LSAMP: variants seen among roughly 807,000 people sequenced by gnomAD.
LSAMP encodes the protein limbic system-associated membrane protein.
A neutral mutation model predicts 38.6 loss-of-function variants in LSAMP; 7 were observed. The observed-to-expected ratio is 0.18, with a 90% confidence interval of 0.10 to 0.34. The LOEUF is 0.34. Ranked by LOEUF, LSAMP falls within the 10% of genes least tolerant of loss-of-function variation. LSAMP has a pLI of 1.00. For missense variants in LSAMP, 313 were observed against 420.0 expected (o/e 0.75, Z 2.23); for synonymous variants, 154 against 166.8 (o/e 0.92, Z 0.59).
chr3:116,428,876 A>G (rs1296560876), intron 1 of LSAMP, among the ~76,000 whole-genome samples: 1 of 152,222 alleles, frequency 6.6e-6, no homozygotes, highest in Non-Finnish European at 1.5e-5. Context: ...ATTCTTGGGA[A>G]TATTTTCAGC....
intron 1 of LSAMP, among the ~76,000 whole-genome samples, chr3:116,199,662 C>G (rs1432839519): frequency 1.3e-5 from 2 of 152,040 alleles, no homozygotes; most frequent in Non-Finnish European, 2.9e-5. Flanking sequence ...GACAGAATTT[C>G]CAGAAGATGA....
At chr3:116,159,231 T>C (rs1343034399) in intron 1 of LSAMP, among the ~76,000 whole-genome samples, 1 of 151,944 alleles carries the variant, frequency 6.6e-6, no homozygotes, top group Admixed American at 6.6e-5. Flanking sequence ...AAAAGCAAAT[T>C]GCAACAAAAC....
At chr3:116,417,628 C>T (rs753209988) in intron 1 of LSAMP, among the ~76,000 whole-genome samples, 11 of 152,044 alleles carry the variant, frequency 7.2e-5, no homozygotes, top group Non-Finnish European at 8.8e-5. Flanking sequence ...ATCAGAAATA[C>T]GACAAGGGGG....
At chr3:116,412,361 T>G (rs1731596) in intron 1 of LSAMP, among the ~76,000 whole-genome samples, 45,907 of 151,942 alleles carry the variant, frequency 0.3, 9,457 homozygotes, top group African/African-American at 0.59. Flanking sequence ...TGAAAAACAT[T>G]CAGTCTCACT....
rs1400270737 is a variant in LSAMP, at chr3:116,105,554, CG to C, written c.156-18999del. On this transcript the variant is annotated intron_variant, in intron 1 of 6. Coordinates refer to ENST00000490035, the MANE Select transcript of LSAMP (RefSeq NM_002338.5). The stretch of plus-strand genomic sequence containing the variant: ...GGGGTTGTTCTCTGGTGGGCAGGGG[CG>C]GGGGTCACAAGGTGCTCAGTGGGGG... 8.0e-5 allele frequency among the ~76,000 whole-genome samples: 12 copies of C among 149,244 alleles called. 1 individual carries two copies. Among genetic ancestry groups the C allele is most frequent in the Admixed American group, 1.3e-4 (2 of 14,950 alleles).
chr3:116,124,906 A>C (rs575285577), intron 1 of LSAMP, among the ~76,000 whole-genome samples: 2 of 152,352 alleles, frequency 1.3e-5, no homozygotes, highest in Admixed American at 6.5e-5. Context: ...ATCTTTGCAT[A>C]GTAAATAACT....
At chr3:116,223,336 G>A (rs1311022320) in intron 1 of LSAMP, among the ~76,000 whole-genome samples, 1 of 152,146 alleles carries the variant, frequency 6.6e-6, no homozygotes, top group Non-Finnish European at 1.5e-5. Context: ...TATTTATTGA[G>A]CACTTACACT....
chr3:116,047,112 G>GA (rs1941305412), intron 2 of LSAMP, among the ~76,000 whole-genome samples: 1 of 152,108 alleles, frequency 6.6e-6, no homozygotes, highest in Non-Finnish European at 1.5e-5. Flanking sequence ...ATACAAGTCA[G>GA]AAAAAATAAT....
At chr3:116,079,881 A>C (rs1165379221) in intron 2 of LSAMP, among the ~76,000 whole-genome samples, 1 of 152,118 alleles carries the variant, frequency 6.6e-6, no homozygotes. Flanking sequence ...ATTGCCTTTA[A>C]TATTTTTAAG....
chr3:116,209,244 C>T (rs1055969896), intron 1 of LSAMP, among the ~76,000 whole-genome samples: 14 of 152,326 alleles, frequency 9.2e-5, no homozygotes, highest in East Asian at 5.8e-4. Context: ...GGCAATGCCT[C>T]GCCCTGCTTT....
At chr3:116,233,683 T>C (rs2867102) in intron 1 of LSAMP, among the ~76,000 whole-genome samples, 108,262 of 151,624 alleles carry the variant, frequency 0.71, 40,348 homozygotes, top group South Asian at 0.84. Flanking sequence ...CATGAGATTA[T>C]ATTTTTTTTT....
chr3:116,258,527 C>T (rs2046785683), intron 1 of LSAMP, among the ~76,000 whole-genome samples: 2 of 148,408 alleles, frequency 1.3e-5, no homozygotes, highest in Admixed American at 6.6e-5. Flanking sequence ...TAAATTTTAA[C>T]AGAATTCTAA....
chr3:116,215,415 C>T (rs908076365), intron 1 of LSAMP, among the ~76,000 whole-genome samples: 7 of 152,030 alleles, frequency 4.6e-5, no homozygotes, highest in East Asian at 1.9e-4. Flanking sequence ...AAGTATTGAG[C>T]ACTCACTGCC....
intron 3 of LSAMP, among the ~76,000 whole-genome samples, chr3:115,940,325 G>GTCCATTTTACAGAGCACTGATTGC (rs768922057): frequency 1.3e-5 from 2 of 152,164 alleles, no homozygotes; most frequent in Non-Finnish European, 2.9e-5. Flanking sequence ...CTACTGATGG[G>GTCCATTTTACAGAGCACTGATTGC]TCCATTTTAC....
At chr3:115,871,675 C>T (rs1169025754) in intron 3 of LSAMP, among the ~76,000 whole-genome samples, 3 of 151,694 alleles carry the variant, frequency 2.0e-5, no homozygotes, top group African/African-American at 7.3e-5. Context: ...GGGCTTCAAC[C>T]TCCTACTCGT....
chr3:115,866,266 GC>G (rs1482877718), intron 3 of LSAMP, among the ~76,000 whole-genome samples: 2 of 152,054 alleles, frequency 1.3e-5, no homozygotes, highest in African/African-American at 4.8e-5. Context: ...CATGACAAAA[GC>G]CAATGCTGAC....
At chr3:115,847,132 G>T (rs561494914) in intron 4 of LSAMP, among the ~76,000 whole-genome samples, 3 of 152,080 alleles carry the variant, frequency 2.0e-5, no homozygotes, top group Non-Finnish European at 2.9e-5. Flanking sequence ...AAGGACTTTG[G>T]AGTTAGACCT....
At chr3:116,020,520 G>C (rs1940609058) in intron 2 of LSAMP, among the ~76,000 whole-genome samples, 1 of 152,156 alleles carries the variant, frequency 6.6e-6, no homozygotes, top group African/African-American at 2.4e-5. Context: ...CAGGGCCTTT[G>C]CTCATAAGCA....
intron 1 of LSAMP, among the ~76,000 whole-genome samples, chr3:116,358,036 A>G (rs759125578): frequency 1.3e-5 from 2 of 152,168 alleles, no homozygotes; most frequent in Non-Finnish European, 2.9e-5. Context: ...CTTATGATAC[A>G]TGAGTTCCAA....
Sources: gnomAD v4.1 joint callset for allele counts (sites outside exome capture counted in the v4.1 genomes callset) on GRCh38, gnomAD v4.1.1 for gene constraint, MANE v1.5 for transcripts, NCBI Gene and HGNC (gene_info 2026-07-23, HGNC 2026-07-21) for gene names.